RD3: variants seen among roughly 807,000 people sequenced by gnomAD.
RD3 encodes the protein protein RD3.
Under a neutral mutation model 16.9 loss-of-function variants are expected in RD3, and 11 were observed. That is an observed-to-expected ratio of 0.65 (90% CI 0.41 to 1.08). The LOEUF is 1.08. Among genes scored for constraint, RD3 ranks in the 50% least tolerant of loss-of-function variants. RD3 has a pLI of 0.00. For synonymous variants in RD3, 116 were observed against 114.8 expected (o/e 1.01, Z -0.07); for missense variants, 274 against 267.4 (o/e 1.02, Z -0.17).
At chr1:211,486,594 A>C (rs899658351) in intron 1 of RD3, among the ~76,000 whole-genome samples, 8 of 151,954 alleles carry the variant, frequency 5.3e-5, no homozygotes, top group Non-Finnish European at 1.0e-4. Context: ...CACATCTGTC[A>C]TCTCAGCACT....
At chr1:211,482,150 A>G (rs1572142478) in intron 1 of RD3, among the ~76,000 whole-genome samples, 1 of 150,370 alleles carries the variant, frequency 6.7e-6, no homozygotes, top group East Asian at 1.9e-4. Flanking sequence ...TGAACCCGGG[A>G]GGTGGAGGTT....
chr1:211,487,064 C>G (rs995419804), intron 1 of RD3, among the ~76,000 whole-genome samples: 1 of 152,144 alleles, frequency 6.6e-6, no homozygotes, highest in Non-Finnish European at 1.5e-5. Context: ...CTGAAGAAGC[C>G]TCGTGGTCTC....
At chr1:211,482,398 C>A (rs1705290880) in intron 1 of RD3, among the ~76,000 whole-genome samples, 1 of 151,900 alleles carries the variant, frequency 6.6e-6, no homozygotes, top group Admixed American at 6.5e-5. Flanking sequence ...AACGCTGCAA[C>A]ATCAATGGAG....
intron 1 of RD3, among the ~76,000 whole-genome samples, chr1:211,488,408 G>A (rs1056652928): frequency 2.0e-5 from 3 of 151,978 alleles, no homozygotes; most frequent in Non-Finnish European, 2.9e-5. Flanking sequence ...GGTTGCAGAT[G>A]CCTGTAATCC....
intron 1 of RD3, among the ~76,000 whole-genome samples, chr1:211,488,046 C>T (rs1286886904): frequency 6.6e-6 from 1 of 152,206 alleles, no homozygotes; most frequent in Non-Finnish European, 1.5e-5. Context: ...TGCATAACCG[C>T]TACTGCTCAT....
Position 211,479,325 on chromosome 1 carries a change from A to G in RD3, c.299T>C (p.Phe100Ser), listed in dbSNP as rs1375481136. 6 of 1,602,956 alleles carry G rather than the reference A, an allele frequency of 3.7e-6. No homozygotes were observed. Among genetic ancestry groups the G allele is most frequent in the Non-Finnish European group, 5.1e-6 (6 of 1,175,094 alleles). ...PSYCGPAILRFRQLLAEQEPE... is the reference protein window; with the variant it reads ...PSYCGPAILRSRQLLAEQEPE... ...CTCCTGCTCCGCCAGCAGCTGCCGG[A>G]ACCTGGGCGGGAGGGGAGGGCGCTG... The change falls in exon 3 of 3, where the codon TTC (phenylalanine) becomes TCC (serine). Residue 100 changes from phenylalanine (F) to serine (S), a missense_variant and splice_region_variant. Phe to Ser is a radical substitution (Grantham distance 155). Transcript: ENST00000680073.
At chr1:211,481,450 A>C in intron 1 of RD3, 24 bp from the exon 2 acceptor site, 1 of 1,607,760 alleles carries the variant, frequency 6.2e-7, no homozygotes. Context: ...ACAGATGTGC[A>C]TCTTTCCTGG....
Sources: gnomAD v4.1 joint callset for allele counts (sites outside exome capture counted in the v4.1 genomes callset) on GRCh38, gnomAD v4.1.1 for gene constraint, MANE v1.5 for transcripts, NCBI Gene and HGNC (gene_info 2026-07-23, HGNC 2026-07-21) for gene names.